NLGN4Y: variants seen among roughly 807,000 people sequenced by gnomAD.
The protein encoded by NLGN4Y is neuroligin-4, Y-linked.
In NLGN4Y, 4 loss-of-function variants were observed where a neutral mutation model predicts 8.4. The ratio of observed to expected loss-of-function variants is 0.48; its 90% confidence interval spans 0.23 to 1.09. The LOEUF is 1.09. Among genes scored for constraint, NLGN4Y ranks in the 50% least tolerant of loss-of-function variants. The pLI, the probability that NLGN4Y is intolerant of heterozygous loss-of-function variation, is 0.19. For missense variants in NLGN4Y, 90 were observed against 192.3 expected, an observed-to-expected ratio of 0.47 and a Z score of 3.15; for synonymous variants, 35 against 75.6, an observed-to-expected ratio of 0.46 and a Z score of 2.78.
chrY:14,555,122 A>C (rs1603499543), intron 1 of NLGN4Y, among the ~76,000 whole-genome samples: 1 of 33,386 alleles, frequency 3.0e-5, no homozygotes, highest in East Asian at 7.7e-4. Context: ...TTCAACCTTC[A>C]TCTAACTAAA....
chrY:14,825,977 G>A, intron 5 of NLGN4Y, among the ~76,000 whole-genome samples: 2 of 33,421 alleles, frequency 6.0e-5, no homozygotes, highest in Admixed American at 5.4e-4. Context: ...CCTGAGCCCT[G>A]CCAGAGCACC....
chrY:14,701,078 C>G (rs2080845922), intron 2 of NLGN4Y, among the ~76,000 whole-genome samples: 1 of 32,435 alleles, frequency 3.1e-5, no homozygotes. Context: ...GTAAAAGGAA[C>G]TAGGGCTTCT....
chrY:14,635,811 C>T lies in NLGN4Y; in HGVS notation c.472+13220C>T, dbSNP rs756698146. Reference sequence around the variant, plus strand: ...TTCACCATGTTGGCCCAGCTGGTCTCGAACTCCTGACCTCAGGCAATCCAC... The same window carrying T: ...TTCACCATGTTGGCCCAGCTGGTCTTGAACTCCTGACCTCAGGCAATCCAC... On this transcript the variant is annotated intron_variant, in intron 2 of 6. Transcript: ENST00000684976. 2.6e-4 allele frequency among the ~76,000 whole-genome samples: 8 copies of T among 31,291 alleles called. No individual in the cohort carries two copies. The Middle Eastern group carries it at 0.11, about 441-fold the overall frequency. 84.0% of individuals were successfully genotyped at this position (31,291 alleles called of 37,273 possible).
chrY:14,683,135 C>A, intron 2 of NLGN4Y, among the ~76,000 whole-genome samples: 1 of 33,354 alleles, frequency 3.0e-5, no homozygotes, highest in East Asian at 7.8e-4. Context: ...CAAACCTGTG[C>A]AAATGTCATA....
At chrY:14,820,220 A>G in intron 4 of NLGN4Y, among the ~76,000 whole-genome samples, 5 of 32,820 alleles carry the variant, frequency 1.5e-4, no homozygotes, top group African/African-American at 6.0e-4. Flanking sequence ...CTCTTAGACC[A>G]CAAAGAGGAC....
chrY:14,716,374 CAATT>C (rs2080915816), intron 2 of NLGN4Y, among the ~76,000 whole-genome samples: 2 of 33,218 alleles, frequency 6.0e-5, no homozygotes, highest in East Asian at 7.9e-4. Flanking sequence ...GCTGCGAAAA[CAATT>C]AAAGGAGGCA....
chrY:14,542,796 C>G (rs2080154464), intron 1 of NLGN4Y, among the ~76,000 whole-genome samples: 1 of 33,260 alleles, frequency 3.0e-5, no homozygotes, highest in Non-Finnish European at 7.4e-5. Flanking sequence ...GAATACTACA[C>G]AGCCATAAAA....
rs1467495400 is a variant in NLGN4Y, at chrY:14,843,576, A to G, written c.*2314A>G. On this transcript the variant is annotated 3_prime_UTR_variant, in exon 7 of 7. Transcript: ENST00000684976. ...AGTCTTGTGACATCTTAAGGAAAAGAAGAGTTCCTGTTAAATGAATAGCTT... is the reference window on the plus strand; with the variant it reads ...AGTCTTGTGACATCTTAAGGAAAAGGAGAGTTCCTGTTAAATGAATAGCTT... 8.2e-6 allele frequency: 1 copy of G among 121,770 alleles called. No homozygotes were observed. Among genetic ancestry groups the G allele is most frequent in the Non-Finnish European group, 1.8e-5 (1 of 56,184 alleles). 30.4% of individuals were successfully genotyped at this position (121,770 alleles called of 400,897 possible). A position where few individuals can be genotyped will look rare whatever the true frequency, so the allele number is the denominator to read the frequency against.
chrY:14,698,671 A>T, intron 2 of NLGN4Y, among the ~76,000 whole-genome samples: 1 of 33,061 alleles, frequency 3.0e-5, no homozygotes, highest in Non-Finnish European at 7.5e-5. Flanking sequence ...ATTACTGTTC[A>T]GCTTATTGAA....
rs2080857027 is a variant in NLGN4Y, at chrY:14,702,690, CT to C, written c.473-16768del. On this transcript the variant is annotated intron_variant, in intron 2 of 6. Coordinates refer to ENST00000684976, the MANE Select transcript of NLGN4Y (RefSeq NM_001365588.1). Reference sequence around the variant, plus strand: ...GGGTATATACCCAGTAATGGGATTGCTGGGTCAATTGGTATTTCTAGTTCTA... The same window carrying C: ...GGGTATATACCCAGTAATGGGATTGCGGGTCAATTGGTATTTCTAGTTCTA... 3.0e-4 allele frequency among the ~76,000 whole-genome samples: 10 copies of C among 33,276 alleles called. No individual in the cohort carries two copies. The South Asian group carries it at 6.9e-3, about 23-fold the overall frequency. The allele number at this position is 33,276 out of a possible 37,273, so 89.3% of individuals were successfully genotyped here. A position where few individuals can be genotyped will look rare whatever the true frequency, so the allele number is the denominator to read the frequency against.
At chrY:14,608,199 G>A in intron 1 of NLGN4Y, among the ~76,000 whole-genome samples, 1 of 33,428 alleles carries the variant, frequency 3.0e-5, no homozygotes, top group Non-Finnish European at 7.4e-5. Flanking sequence ...TTGCTGTGCA[G>A]AGGCTCTTTA....
intron 4 of NLGN4Y, among the ~76,000 whole-genome samples, chrY:14,806,388 T>C: frequency 3.2e-5 from 1 of 31,637 alleles, no homozygotes; most frequent in Admixed American, 3.0e-4. Context: ...AAAACATATA[T>C]ATAGTATATA....
At chrY:14,649,367 A>G in intron 2 of NLGN4Y, among the ~76,000 whole-genome samples, 1 of 33,781 alleles carries the variant, frequency 3.0e-5, no homozygotes, top group Non-Finnish European at 7.3e-5. Context: ...CTATTAGTCT[A>G]TTTAACTAGT....
chrY:14,600,259 T>A, intron 1 of NLGN4Y, among the ~76,000 whole-genome samples: 1 of 31,338 alleles, frequency 3.2e-5, no homozygotes, highest in Non-Finnish European at 7.7e-5. Context: ...TATAGATATA[T>A]GTGTGTGTGT....
chrY:14,523,743 A>AT (rs2080081496), upstream of NLGN4Y: 6 of 80,405 alleles, frequency 7.5e-5, no homozygotes, highest in South Asian at 1.2e-4. Flanking sequence ...GCATTATGAG[A>AT]TTTTTTTTTC....
rs759336670 is a variant in NLGN4Y at position 14,719,259 on chromosome Y, G to C, written c.473-200G>C. Reference sequence around the variant, plus strand: ...GTAACATTTTGAATTTGTTCTTCTTGACATCTTTATGTTTATATGCATTTT... The same window carrying C: ...GTAACATTTTGAATTTGTTCTTCTTCACATCTTTATGTTTATATGCATTTT... On this transcript the variant is annotated intron_variant, in intron 2 of 6. Transcript: ENST00000684976. Among the ~76,000 whole-genome samples the C allele has an allele frequency of 2.4e-4, 8 of 32,780 alleles. No individual in the cohort carries two copies. The East Asian group carries it at 6.3e-3, about 26-fold the overall frequency. 87.9% of individuals were successfully genotyped at this position (32,780 alleles called of 37,273 possible).
At chrY:14,590,641 G>A in intron 1 of NLGN4Y, among the ~76,000 whole-genome samples, 1 of 33,682 alleles carries the variant, frequency 3.0e-5, no homozygotes, top group Non-Finnish European at 7.4e-5. Context: ...GCCCAAAGGC[G>A]AGTAACAGCA....
At chrY:14,555,503 T>TG (rs2080207945) in intron 1 of NLGN4Y, among the ~76,000 whole-genome samples, 13 of 33,031 alleles carry the variant, frequency 3.9e-4, no homozygotes, top group Middle Eastern at 0.014. Context: ...ACTATCATCT[T>TG]GGGGGTCATG....
intron 5 of NLGN4Y, among the ~76,000 whole-genome samples, chrY:14,829,016 A>G: frequency 3.1e-5 from 1 of 32,653 alleles, no homozygotes. Context: ...TGGCAAAAAA[A>G]TAAAAAAAAA....
Sources: allele counts gnomAD v4.1 joint callset (sites outside exome capture counted in the v4.1 genomes callset), GRCh38; gene constraint gnomAD v4.1.1; transcripts MANE v1.5; gene names NCBI Gene and HGNC (gene_info 2026-07-23, HGNC 2026-07-21).